EWSR1: variants seen among roughly 807,000 people sequenced by gnomAD.
EWSR1 encodes EWS RNA binding protein 1.
In EWSR1, 14 loss-of-function variants were observed where a neutral mutation model predicts 92.1. The observed-to-expected ratio is 0.15, with a 90% CI of 0.10 to 0.24. The LOEUF is 0.24. Ranked by LOEUF, EWSR1 falls within the 10% of genes least tolerant of loss-of-function variation. The pLI is 1.00. For synonymous variants in EWSR1, 303 were observed against 292.9 expected (o/e 1.03, Z -0.35); for missense variants, 637 against 870.9 (o/e 0.73, Z 3.38).
At chr22:29,283,337 A>G (rs1226458449) in intron 6 of EWSR1, among the ~76,000 whole-genome samples, 2 of 152,080 alleles carry the variant, frequency 1.3e-5, no homozygotes, top group Admixed American at 1.3e-4. Context: ...TTTTTATTTT[A>G]TTTTTATTAT....
intron 4 of EWSR1, chr22:29,276,298 T>G (rs1298426652): frequency 8.7e-6 from 2 of 229,756 alleles, no homozygotes; most frequent in African/African-American, 4.4e-5. Flanking sequence ...GCAGTTCAGA[T>G]GAACAACATG....
rs768764962 is a variant in EWSR1, at chr22:29,286,985, G to C, written c.644G>C (p.Gly215Ala). The change falls in exon 7 of 17, where the codon GGG (glycine) becomes GCG (alanine). Residue 215 changes from glycine (G) to alanine (A), a missense_variant. By Grantham distance (60) the Gly-to-Ala change is moderately conservative. Transcript: ENST00000397938. Reference protein sequence around the residue: ...QSSYSQQNTYGQPSSYGQQSS... With the variant: ...QSSYSQQNTYAQPSSYGQQSS... ...AGTTACTCTCAGCAGAACACCTATG[G>C]GCAACCGAGCAGCTATGGACAGCAG... is the stretch of plus-strand genomic sequence containing the variant. 1.3e-5 allele frequency: 21 copies of C among 1,613,440 alleles called. No individual in the cohort carries two copies. In the African/African-American group the frequency reaches 2.8e-4, roughly 22 times the overall value.
At chr22:29,275,732 A>G (rs889921072) in intron 4 of EWSR1, 6 of 228,856 alleles carry the variant, frequency 2.6e-5, no homozygotes, top group African/African-American at 1.3e-4. Flanking sequence ...GTTCTCTTCT[A>G]GGATTTTTAA....
chr22:29,295,019 A>C (rs981089972), intron 11 of EWSR1, among the ~76,000 whole-genome samples: 5 of 151,994 alleles, frequency 3.3e-5, no homozygotes, highest in African/African-American at 1.2e-4. Context: ...TCAAAAGTAA[A>C]ATGCTTTTAG....
Position 29,300,459 on chromosome 22 carries a change from C to A in EWSR1, c.*298C>A. The A allele has an allele frequency of 1.3e-5, 4 of 297,118 alleles. No individual in the cohort carries two copies. Among genetic ancestry groups the A allele is most frequent in the Non-Finnish European group, 1.8e-5 (3 of 162,698 alleles). The allele number at this position is 297,118 out of a possible 1,614,324, so 18.4% of individuals were successfully genotyped here. On this transcript the variant is annotated 3_prime_UTR_variant, in exon 17 of 17. Coordinates refer to ENST00000397938, the MANE Select transcript of EWSR1 (RefSeq NM_005243.4). ...AACCAAGAGGGCCTCTTAACTGTAA[C>A]AATGTTCATGGTTGTGATGTTTTTT...
At chr22:29,291,498 CA>C in intron 8 of EWSR1, 63 bp from the exon 9 acceptor site, 1 of 1,536,298 alleles carries the variant, frequency 6.5e-7, no homozygotes, top group Non-Finnish European at 8.9e-7. Context: ...CGAGCCCCCC[CA>C]AGGCTCAGAG....
At chr22:29,281,898 G>A (rs1200265729) in intron 5 of EWSR1, among the ~76,000 whole-genome samples, 1 of 152,096 alleles carries the variant, frequency 6.6e-6, no homozygotes, top group African/African-American at 2.4e-5. Flanking sequence ...GACCTGGTCT[G>A]TTTTTAATAA....
intron 12 of EWSR1, among the ~76,000 whole-genome samples, chr22:29,297,297 C>T (rs866881960): frequency 2.6e-5 from 4 of 152,172 alleles, no homozygotes; most frequent in South Asian, 2.1e-4. Context: ...GGACTACAGG[C>T]GCATGTCACC....
intron 5 of EWSR1, among the ~76,000 whole-genome samples, chr22:29,278,855 C>T (rs1221826398): frequency 3.3e-5 from 5 of 151,114 alleles, no homozygotes; most frequent in South Asian, 2.1e-4. Flanking sequence ...ATTAGCTGGG[C>T]GTGGTGGCGC....
rs1489364978 is a variant in EWSR1 at position 29,273,722 on chromosome 22, TC to T, written c.103-18del. ...AAGTTCATGTATGAAGTTCTTGCAT[TC>T]GTTTTTTTTTGGAGCAGGCATATGG... is the stretch of plus-strand genomic sequence containing the variant. On this transcript the variant is annotated intron_variant, in intron 3 of 16. Transcript: ENST00000397938. The T allele has an allele frequency of 6.2e-7, 1 of 1,600,480 alleles. No individual in the cohort carries two copies.
In EWSR1 at chr22:29,296,007, G is replaced by T. The variant is rs1248949406; in HGVS notation, c.1165-232G>T. Reference sequence around the variant, plus strand: ...GCATCAGAAGATGGCTAAGGCAGGAGTGGGGCCTATCCTGTTCACTTCCAC... The same window carrying T: ...GCATCAGAAGATGGCTAAGGCAGGATTGGGGCCTATCCTGTTCACTTCCAC... On this transcript the variant is annotated intron_variant, in intron 11 of 16. Transcript: ENST00000397938. 3 of 412,972 alleles carry T rather than the reference G, an allele frequency of 7.3e-6. No homozygotes were observed. The East Asian group carries it at 1.2e-4, about 17-fold the overall frequency. 25.6% of individuals were successfully genotyped at this position (412,972 alleles called of 1,614,324 possible).
intron 5 of EWSR1, among the ~76,000 whole-genome samples, chr22:29,280,551 G>C (rs1381296374): frequency 2.0e-5 from 3 of 152,142 alleles, no homozygotes; most frequent in African/African-American, 7.2e-5. Context: ...GCAGGGACTT[G>C]GGAGGGGTCT....
chr22:29,288,901 T>C (rs771615170), intron 8 of EWSR1, 115 bp downstream of exon 8: 45 of 1,035,262 alleles, frequency 4.3e-5, no homozygotes, highest in Non-Finnish European at 5.7e-5. Flanking sequence ...ATGGACAATC[T>C]GTTGAGCTCA....
At chr22:29,278,307 T>G (rs1162135890) in intron 5 of EWSR1, 91 bp downstream of exon 5, 1 of 1,268,426 alleles carries the variant, frequency 7.9e-7, no homozygotes, top group South Asian at 1.5e-5. Flanking sequence ...GTTTAGTTCC[T>G]TATTAGTGGT....
At chr22:29,292,875 G>C (rs570199962) in intron 11 of EWSR1, among the ~76,000 whole-genome samples, 2 of 150,144 alleles carry the variant, frequency 1.3e-5, no homozygotes, top group Non-Finnish European at 2.9e-5. Flanking sequence ...TCCTGCCTCA[G>C]CCTCCCAAGT....
chr22:29,297,107 C>G (rs754037239), intron 12 of EWSR1, among the ~76,000 whole-genome samples: 12 of 152,142 alleles, frequency 7.9e-5, no homozygotes, highest in Admixed American at 3.9e-4. Flanking sequence ...CAGTCAGCTT[C>G]CCACCAGCTT....
chr22:29,272,276 A>C (rs1045462749), intron 2 of EWSR1, 24 bp downstream of exon 2: 1 of 1,613,808 alleles, frequency 6.2e-7, no homozygotes, highest in East Asian at 2.2e-5. Context: ...TTATAACCGT[A>C]TTTTGTGTGT....
intron 6 of EWSR1, among the ~76,000 whole-genome samples, chr22:29,284,461 G>C (rs2059864381): frequency 6.6e-6 from 1 of 151,342 alleles, no homozygotes; most frequent in Non-Finnish European, 1.5e-5. Context: ...AGCCAGCTTG[G>C]AGCAAAAGTG....
chr22:29,284,022 CG>C (rs1402563623), intron 6 of EWSR1, among the ~76,000 whole-genome samples: 2 of 151,208 alleles, frequency 1.3e-5, no homozygotes, highest in Non-Finnish European at 2.9e-5. Flanking sequence ...TTAGTAGAGA[CG>C]GGGTTTCTCC....
Sources: gnomAD v4.1 joint callset for allele counts (sites outside exome capture counted in the v4.1 genomes callset) on GRCh38, gnomAD v4.1.1 for gene constraint, MANE v1.5 for transcripts, NCBI Gene and HGNC (gene_info 2026-07-23, HGNC 2026-07-21) for gene names.